The following C1orf52 variants were observed in gnomAD, a reference collection of about 807,000 sequenced individuals.
C1orf52 encodes the protein UPF0690 protein C1orf52.
In C1orf52, 5 loss-of-function variants were observed where a neutral mutation model predicts 17.2. The observed-to-expected ratio is 0.29, with a 90% CI of 0.15 to 0.61. The LOEUF (loss-of-function observed/expected upper bound fraction) is 0.61. Ranked by LOEUF, C1orf52 falls within the 20% of genes least tolerant of loss-of-function variation. The pLI is 0.85. For missense variants in C1orf52, 245 were observed against 234.1 expected (o/e 1.05, Z -0.30); for synonymous variants, 110 against 88.0 (o/e 1.25, Z -1.40).
At chr1:85,252,947 T>C (rs1001830206) in intron 2 of C1orf52, among the ~76,000 whole-genome samples, 7 of 152,186 alleles carry the variant, frequency 4.6e-5, no homozygotes, top group Non-Finnish European at 8.8e-5. Flanking sequence ...TTAGGTGCTA[T>C]ACTAAGGTAG....
At chr1:85,254,671 G>A (rs1055333405) in intron 2 of C1orf52, among the ~76,000 whole-genome samples, 2 of 152,234 alleles carry the variant, frequency 1.3e-5, no homozygotes, top group South Asian at 2.1e-4. Context: ...GATTACAGGC[G>A]TGAGCCACCG....
In C1orf52 at chr1:85,252,223, GATCT is replaced by G. The variant is rs1298377051; in HGVS notation, c.*402_*405del. Reference sequence around the variant, plus strand: ...ATTGAATAAGTAATTTTATTTCCATGATCTATTTACACTGTACAAAGACTGTTGA... The same window carrying G: ...ATTGAATAAGTAATTTTATTTCCATGATTTACACTGTACAAAGACTGTTGA... On this transcript the variant is annotated 3_prime_UTR_variant, in exon 3 of 3. Transcript: ENST00000471115. The G allele has an allele frequency of 1.3e-5, 2 of 155,744 alleles. No homozygotes were observed. The highest frequency in any genetic ancestry group is 2.8e-5 in the Non-Finnish European group (2 of 70,272). The allele number at this position is 155,744 out of a possible 1,614,324, so 9.6% of individuals were successfully genotyped here.
At position 85,256,566 on chromosome 1, in the gene C1orf52, A is replaced by T. The variant is rs11161571; in HGVS notation, c.475+1958T>A. 8.6e-5 allele frequency among the ~76,000 whole-genome samples: 13 copies of T among 152,040 alleles called. No individual in the cohort carries two copies. The East Asian group carries it at 2.5e-3, about 29-fold the overall frequency. ...TGTAATCCCAGCACTTTGGGAGGCCAAGGCGGGCAGATCACGAGGTCAGGA... is the reference window on the plus strand; with the variant it reads ...TGTAATCCCAGCACTTTGGGAGGCCTAGGCGGGCAGATCACGAGGTCAGGA... On this transcript the variant is annotated intron_variant, in intron 2 of 2. Transcript: ENST00000471115.
At position 85,259,436 on chromosome 1, in the gene C1orf52, C is replaced by T; in HGVS notation, c.198G>A (p.Val66=). 6.2e-7 allele frequency: 1 copy of T among 1,614,056 alleles called. No homozygotes were observed. The highest frequency in any genetic ancestry group is 8.5e-7 in the Non-Finnish European group (1 of 1,180,022). The change falls in exon 1 of 3, where the codon GTG becomes GTA. Residue 66 remains valine (V), a synonymous_variant. Transcript: ENST00000471115. Reference sequence around the variant, plus strand: ...GATTGTAGAGAAAGGCCGGGCGAGTCACGCTCCTAAACAGCTCGTCAGGTC... The same window carrying T: ...GATTGTAGAGAAAGGCCGGGCGAGTTACGCTCCTAAACAGCTCGTCAGGTC... ...LPGPDELFRS[V]TRPAFLYNPL...
In C1orf52 at chr1:85,259,654, C is replaced by A; in HGVS notation, c.-21G>T. ...GCCATGACGGCTGCGAGCGACAACC[C>A]AGCACTCCGCCGGAAGCCGGAAACC... On this transcript the variant is annotated 5_prime_UTR_variant, in exon 1 of 3. Coordinates refer to ENST00000471115, the MANE Select transcript of C1orf52 (RefSeq NM_198077.4). The A allele has an allele frequency of 6.6e-7, 1 of 1,506,786 alleles. No individual in the cohort carries two copies. The highest frequency in any genetic ancestry group is 8.9e-7 in the Non-Finnish European group (1 of 1,125,444). 93.3% of individuals were successfully genotyped at this position (1,506,786 alleles called of 1,614,324 possible).
chr1:85,259,626 G>T lies in C1orf52; in HGVS notation c.8C>A (p.Ala3Glu). The T allele has an allele frequency of 6.4e-7, 1 of 1,555,390 alleles. No homozygotes were observed. Among genetic ancestry groups the T allele is most frequent in the Non-Finnish European group, 8.7e-7 (1 of 1,149,022 alleles). MAAEEKDPLSYFA... is the reference protein window; with the variant it reads MAEEEKDPLSYFA... ...ATAGCTCAGAGGGTCCTTCTCCTCC[G>T]CTGCCATGACGGCTGCGAGCGACAA... is the stretch of plus-strand genomic sequence containing the variant. The change falls in exon 1 of 3, where the codon GCG becomes GAG. Residue 3 changes from alanine to glutamate, a missense_variant. Physicochemically the swap from Ala to Glu is moderately radical, Grantham distance 107 (BLOSUM62 -1). Transcript: ENST00000471115.
chr1:85,257,681 C>T (rs921207223), intron 2 of C1orf52, among the ~76,000 whole-genome samples: 4 of 152,252 alleles, frequency 2.6e-5, no homozygotes, highest in East Asian at 3.9e-4. Flanking sequence ...AAGTAAGAGA[C>T]GAAATTATGC....
chr1:85,256,537 C>T (rs1396706609), intron 2 of C1orf52, among the ~76,000 whole-genome samples: 1 of 152,082 alleles, frequency 6.6e-6, no homozygotes, highest in Admixed American at 6.5e-5. Flanking sequence ...CGGTGGCTCA[C>T]GCCTGTAATC....
Position 85,252,694 on chromosome 1 carries a change from TTTC to T in C1orf52, c.481_483del (p.Glu161del), listed in dbSNP as rs1557777635. 6.2e-7 allele frequency: 1 copy of T among 1,610,558 alleles called. No homozygotes were observed. The highest frequency in any genetic ancestry group is 1.1e-5 in the South Asian group (1 of 90,802). On this transcript the variant is annotated inframe_deletion, in exon 3 of 3. Transcript: ENST00000471115. Reference sequence around the variant, plus strand: ...CGCTTTTTAGAAGTATGCTCATCTTTTTCATCATCTTTAAATAGAAAAGGAAGA... The same window carrying T: ...CGCTTTTTAGAAGTATGCTCATCTTTATCATCTTTAAATAGAAAAGGAAGA...
chr1:85,259,506 T>C lies in C1orf52; in HGVS notation c.128A>G (p.Lys43Arg), dbSNP rs777183803. 1 of 1,613,910 alleles carries C rather than the reference T, an allele frequency of 6.2e-7. No homozygotes were observed. Among genetic ancestry groups the C allele is most frequent in the South Asian group, 1.1e-5 (1 of 91,074 alleles). Reference sequence around the variant, plus strand: ...CTTGTTCCTACAGCCGCCCGCCGACTTCGCCGGATCCGGGGTTCTGCGACT... The same window carrying C: ...CTTGTTCCTACAGCCGCCCGCCGACCTCGCCGGATCCGGGGTTCTGCGACT... ...ETSRRTPDPA[K>R]SAGGCRNKAE... The change falls in exon 1 of 3, where the codon AAG becomes AGG. Residue 43 changes from lysine (K) to arginine (R), a missense_variant. Lys to Arg is a conservative substitution (Grantham distance 26, BLOSUM62 2). Coordinates refer to ENST00000471115, the MANE Select transcript of C1orf52 (RefSeq NM_198077.4).
chr1:85,258,197 A>G (rs1411860105), intron 2 of C1orf52, among the ~76,000 whole-genome samples: 3 of 152,210 alleles, frequency 2.0e-5, no homozygotes, highest in Non-Finnish European at 4.4e-5. Context: ...CTACAGTCAC[A>G]AGAAACCATG....
At chr1:85,255,901 T>C (rs188967361) in intron 2 of C1orf52, among the ~76,000 whole-genome samples, 3 of 152,346 alleles carry the variant, frequency 2.0e-5, no homozygotes, top group African/African-American at 7.2e-5. Flanking sequence ...ACAGAAATTA[T>C]CTATGTGAAT....
Position 85,259,642 on chromosome 1 carries a change from C to A in C1orf52, c.-9G>T. On this transcript the variant is annotated 5_prime_UTR_variant, in exon 1 of 3. Transcript: ENST00000471115. ...TTCTCCTCCGCTGCCATGACGGCTG[C>A]GAGCGACAACCCAGCACTCCGCCGG... 15 of 1,534,668 alleles carry A rather than the reference C, an allele frequency of 9.8e-6. No individual in the cohort carries two copies. Among genetic ancestry groups the A allele is most frequent in the Non-Finnish European group, 1.2e-5 (14 of 1,137,848 alleles).
In C1orf52 at chr1:85,257,503, CAG is replaced by C. The variant is rs766417808; in HGVS notation, c.475+1019_475+1020del. ...AGGGGCCATTAAAAATGACTGTGGA[CAG>C]GGAGAAAGGGCCTATTAATACAAGG... On this transcript the variant is annotated intron_variant, in intron 2 of 2. Transcript: ENST00000471115. 22 of 716,436 alleles carry C rather than the reference CAG, an allele frequency of 3.1e-5. No homozygotes were observed. In the South Asian group the frequency reaches 3.3e-4, roughly 11 times the overall value. 44.4% of individuals were successfully genotyped at this position (716,436 alleles called of 1,614,324 possible). A position where few individuals can be genotyped will look rare whatever the true frequency, so the allele number is the denominator to read the frequency against.
chr1:85,257,680 A>G (rs975326431), intron 2 of C1orf52, among the ~76,000 whole-genome samples: 5 of 152,352 alleles, frequency 3.3e-5, no homozygotes, highest in Non-Finnish European at 7.3e-5. Flanking sequence ...CAAGTAAGAG[A>G]CGAAATTATG....
At chr1:85,257,446 G>GT (rs1287260536) in intron 2 of C1orf52, 1 of 717,228 alleles carries the variant, frequency 1.4e-6, no homozygotes, top group East Asian at 2.7e-5. Flanking sequence ...ATACAATTCA[G>GT]TTCTGGATTT....
In C1orf52 at chr1:85,250,357, G is replaced by T. The variant is rs185868324; in HGVS notation, c.*2272C>A. Reference sequence around the variant, plus strand: ...TAAAATGAAAGATACTTGGACAGATGATTTTTCTTATGTATATGGATTTTT... The same window carrying T: ...TAAAATGAAAGATACTTGGACAGATTATTTTTCTTATGTATATGGATTTTT... On this transcript the variant is annotated 3_prime_UTR_variant, in exon 3 of 3. Transcript: ENST00000471115. The T allele has an allele frequency of 1.3e-5, 2 of 152,290 alleles. No individual in the cohort carries two copies. The highest frequency in any genetic ancestry group is 6.5e-5 in the Admixed American group (1 of 15,292). The allele number at this position is 152,290 out of a possible 1,614,324, so 9.4% of individuals were successfully genotyped here.
chr1:85,252,308 C>A lies in C1orf52; in HGVS notation c.*321G>T. ...AATATATTTACTTTAAAAATATATT[C>A]CTTTATAAAAGGTTTATAAGAACAT... On this transcript the variant is annotated 3_prime_UTR_variant, in exon 3 of 3. Transcript: ENST00000471115. 1 of 281,556 alleles carries A rather than the reference C, an allele frequency of 3.6e-6. No homozygotes were observed. Among genetic ancestry groups the A allele is most frequent in the East Asian group, 8.9e-5 (1 of 11,240 alleles). The allele number at this position is 281,556 out of a possible 1,614,324, so 17.4% of individuals were successfully genotyped here.
In C1orf52 at chr1:85,258,615, C is replaced by T. The variant is rs1159302046; in HGVS notation, c.384G>A (p.Trp128Ter). The T allele has an allele frequency of 6.2e-7, 1 of 1,613,970 alleles. No individual in the cohort carries two copies. The highest frequency in any genetic ancestry group is 1.3e-5 in the African/African-American group (1 of 74,904). Reference sequence around the variant, plus strand: ...CACCATTGTCCTCATATATGTTAGACCATTTTATTGCCATGTCAAGCTCTG... The same window carrying T: ...CACCATTGTCCTCATATATGTTAGATCATTTTATTGCCATGTCAAGCTCTG... ...PPPELDMAIK[W>*]SNIYEDNGDD... Residue 128 changes from tryptophan to a stop codon, truncating the protein, a stop_gained, in exon 2 of 3, where the codon TGG (tryptophan) becomes TGA (stop). Transcript: ENST00000471115. LOFTEE classifies it high-confidence loss of function.
Sources: allele counts gnomAD v4.1 joint callset (sites outside exome capture counted in the v4.1 genomes callset), GRCh38; gene constraint gnomAD v4.1.1; transcripts MANE v1.5; gene names NCBI Gene and HGNC (gene_info 2026-07-23, HGNC 2026-07-21).